SYNE1: variants seen among roughly 807,000 people sequenced by gnomAD.
SYNE1 encodes the protein spectrin repeat containing nuclear envelope protein 1.
A neutral mutation model predicts 1,111.0 loss-of-function variants in SYNE1; 616 were observed. That is an observed-to-expected ratio of 0.55 (90% CI 0.52 to 0.59). The LOEUF is 0.59. Ranked by LOEUF, SYNE1 falls within the 20% of genes least tolerant of loss-of-function variation. The pLI is 0.00. For synonymous variants in SYNE1, 3,855 were observed against 3,825.8 expected (o/e 1.01, Z -0.28); for missense variants, 10,006 against 10,417.0 (o/e 0.96, Z 1.72).
chr6:152,208,751 C>A (rs2076992091), intron 124 of SYNE1, among the ~76,000 whole-genome samples: 1 of 152,304 alleles, frequency 6.6e-6, no homozygotes, highest in Admixed American at 6.5e-5. Flanking sequence ...CAATAAACAG[C>A]CCCAACCTTT....
chr6:152,391,420 C>G lies in SYNE1; in HGVS notation c.7861G>C (p.Val2621Leu). Residue 2621 changes from valine to leucine, a missense_variant, in exon 52 of 146, where the codon GTG (valine) becomes CTG (leucine). Around this residue, in one of 7 missense-constraint regions of SYNE1, gnomAD observed 4,955 missense variants for 5,017.2 expected, o/e 0.99. Coordinates refer to ENST00000367255, the MANE Select transcript of SYNE1 (RefSeq NM_182961.4). ...AGGGCTTCGTGCTCCTGAAGGGCCACCTGGCAGCTCCGGAGTTTCTCTTTG... is the reference window on the plus strand; with the variant it reads ...AGGGCTTCGTGCTCCTGAAGGGCCAGCTGGCAGCTCCGGAGTTTCTCTTTG... The part of the protein sequence containing the change: ...MTKEKLRSCQ[V>L]ALQEHEALEE... 1 of 1,613,912 alleles carries G rather than the reference C, an allele frequency of 6.2e-7. No individual in the cohort carries two copies. The highest frequency in any genetic ancestry group is 8.5e-7 in the Non-Finnish European group (1 of 1,179,968).
rs2096875462 is a variant in SYNE1 at position 152,358,376 on chromosome 6, A to C, written c.10605T>G (p.Leu3535=). The C allele has an allele frequency of 6.2e-7, 1 of 1,614,044 alleles. No homozygotes were observed. Among genetic ancestry groups the C allele is most frequent in the Non-Finnish European group, 8.5e-7 (1 of 1,180,032 alleles). ...AHTHETTLRD[L]QELQVHCAEG... ...TTTAGGATAAAGGAGGCCTTACCTG[A>C]AGATCACGCAATGTTGTCTCATGAG... Residue 3535 remains leucine, a synonymous_variant, in exon 66 of 146, where the codon CTT becomes CTG. Transcript: ENST00000367255.
chr6:152,371,894 AAAGGAAAGGAAAGGAAAGGAAAGG>A (rs1591353764), intron 59 of SYNE1, among the ~76,000 whole-genome samples: 1 of 113,846 alleles, frequency 8.8e-6, no homozygotes, highest in East Asian at 2.4e-4. Flanking sequence ...AAAGGAAAGG[AAAGGAAAGGAAAGGAAAGGAAAGG>A]AAAGGACAGG....
intron 33 of SYNE1, 58 bp from the exon 34 acceptor site, chr6:152,434,003 C>T: frequency 6.8e-7 from 1 of 1,460,184 alleles, no homozygotes; most frequent in Non-Finnish European, 9.4e-7. Flanking sequence ...AACAACAACA[C>T]ATTTTCCTTG....
chr6:152,278,985 G>C (rs1431644952), intron 97 of SYNE1, among the ~76,000 whole-genome samples: 1 of 151,710 alleles, frequency 6.6e-6, no homozygotes, highest in East Asian at 1.9e-4. Flanking sequence ...GCCTGGGCTG[G>C]TCTCAAACTC....
chr6:152,425,328 C>CAT, intron 39 of SYNE1, 53 bp downstream of exon 39: 1 of 1,559,476 alleles, frequency 6.4e-7, no homozygotes, highest in Non-Finnish European at 8.8e-7. Flanking sequence ...TTTATATGCT[C>CAT]ATCATTTAAA....
At chr6:152,585,865 A>G (rs887259455) in intron 3 of SYNE1, among the ~76,000 whole-genome samples, 1 of 152,184 alleles carries the variant, frequency 6.6e-6, no homozygotes, top group Non-Finnish European at 1.5e-5. Context: ...AGACAAATGT[A>G]TTTAAACCTT....
At chr6:152,422,718 A>T (rs2098285541) in intron 39 of SYNE1, among the ~76,000 whole-genome samples, 1 of 152,162 alleles carries the variant, frequency 6.6e-6, no homozygotes, top group African/African-American at 2.4e-5. Flanking sequence ...TATGTTGCCC[A>T]GGCTGGTTTT....
intron 97 of SYNE1, among the ~76,000 whole-genome samples, chr6:152,278,877 C>G (rs1273608077): frequency 6.6e-6 from 1 of 152,158 alleles, no homozygotes; most frequent in African/African-American, 2.4e-5. Flanking sequence ...AAGGGATCCC[C>G]TTGCCTGAGC....
chr6:152,182,826 T>A (rs1036687126), intron 128 of SYNE1, among the ~76,000 whole-genome samples: 5 of 152,206 alleles, frequency 3.3e-5, no homozygotes, highest in African/African-American at 7.2e-5. Flanking sequence ...AAGGCCACCA[T>A]GAGAAATTTA....
intron 111 of SYNE1, 88 bp downstream of exon 111, chr6:152,234,580 C>T (rs1299032424): frequency 1.1e-5 from 17 of 1,529,260 alleles, no homozygotes; most frequent in South Asian, 6.7e-5. Context: ...TGTGAGCCAC[C>T]GCACCCGGCC....
intron 6 of SYNE1, among the ~76,000 whole-genome samples, chr6:152,512,408 G>T (rs2099089441): frequency 6.6e-6 from 1 of 152,012 alleles, no homozygotes; most frequent in South Asian, 2.1e-4. Flanking sequence ...TTTTATGAAA[G>T]AATCTACTAT....
chr6:152,165,175 C>T (rs1389981155), intron 130 of SYNE1, among the ~76,000 whole-genome samples: 3 of 152,012 alleles, frequency 2.0e-5, no homozygotes, highest in Non-Finnish European at 4.4e-5. Flanking sequence ...CCACAGGTGC[C>T]AACTACCAGC....
At chr6:152,323,399 T>G in intron 82 of SYNE1, 79 bp downstream of exon 82, 2 of 1,583,624 alleles carry the variant, frequency 1.3e-6, no homozygotes, top group Non-Finnish European at 1.7e-6. Context: ...AGATCACACA[T>G]TTGCACTCCA....
Position 152,511,029 on chromosome 6 carries a change from G to T in SYNE1, c.384C>A (p.Thr128=). ...ACAATACCTGGAAATATAGAATAAT[G>T]GTCCACATCAATCCAAGAACTATTG... ...RPSIVLGLMW[T]IILYFQIEEL... Residue 128 remains threonine (T), a synonymous_variant, in exon 7 of 146, where the codon ACC becomes ACA. Transcript: ENST00000367255. 1 of 1,613,814 alleles carries T rather than the reference G, an allele frequency of 6.2e-7. No homozygotes were observed. The highest frequency in any genetic ancestry group is 1.7e-5 in the Admixed American group (1 of 60,004).
intron 6 of SYNE1, among the ~76,000 whole-genome samples, chr6:152,519,509 G>A (rs939849779): frequency 2.0e-5 from 3 of 152,052 alleles, no homozygotes; most frequent in Non-Finnish European, 2.9e-5. Context: ...TTTTAACTAC[G>A]TAACAAAATA....
At chr6:152,632,600 G>A (rs967382863) in intron 2 of SYNE1, among the ~76,000 whole-genome samples, 4 of 152,122 alleles carry the variant, frequency 2.6e-5, no homozygotes, top group African/African-American at 9.7e-5. Context: ...CTACCTATTG[G>A]AGGAGAGTGT....
chr6:152,203,049 A>G lies in SYNE1; in HGVS notation c.23020-1100T>C, dbSNP rs139795237. 1.1e-4 allele frequency among the ~76,000 whole-genome samples: 17 copies of G among 152,340 alleles called. 1 individual carries two copies. In the East Asian group the frequency reaches 3.1e-3, roughly 28 times the overall value. Reference sequence around the variant, plus strand: ...AGAGATAGGCAGTATAGAATGAGGTAGAGCTCTATGTACTGACAAAATAAA... The same window carrying G: ...AGAGATAGGCAGTATAGAATGAGGTGGAGCTCTATGTACTGACAAAATAAA... On this transcript the variant is annotated intron_variant, in intron 126 of 145. Coordinates refer to ENST00000367255, the MANE Select transcript of SYNE1 (RefSeq NM_182961.4).
At chr6:152,480,550 C>T (rs961191226) in intron 14 of SYNE1, among the ~76,000 whole-genome samples, 3 of 152,104 alleles carry the variant, frequency 2.0e-5, no homozygotes, top group African/African-American at 4.8e-5. Flanking sequence ...AAGCTTTTCA[C>T]CCTCAAAGCT....
Sources: gnomAD v4.1 joint callset for allele counts (sites outside exome capture counted in the v4.1 genomes callset) on GRCh38, gnomAD v4.1.1 for gene constraint, gnomAD v4.1.1 regional missense constraint, MANE v1.5 for transcripts, NCBI Gene and HGNC (gene_info 2026-07-23, HGNC 2026-07-21) for gene names.